KDM4C: variants seen among roughly 807,000 people sequenced by gnomAD.
KDM4C encodes the protein lysine demethylase 4C.
A neutral mutation model predicts 129.3 loss-of-function variants in KDM4C; 81 were observed. The observed-to-expected ratio is 0.63, with a 90% CI of 0.52 to 0.75. KDM4C has a LOEUF of 0.75. KDM4C is among the 30% of genes least tolerant of loss of function. KDM4C has a pLI of 0.00. For synonymous variants in KDM4C, 573 were observed against 456.1 expected (o/e 1.26, Z -3.26); for missense variants, 1,457 against 1,304.0 (o/e 1.12, Z -1.81).
chr9:6,730,712 C>T (rs1817304093), intron 1 of KDM4C, among the ~76,000 whole-genome samples: 1 of 152,002 alleles, frequency 6.6e-6, no homozygotes, highest in African/African-American at 2.4e-5. Flanking sequence ...TTCAGAGAGA[C>T]TCCAGGGATG....
chr9:6,870,777 C>G (rs1842723206), intron 5 of KDM4C, among the ~76,000 whole-genome samples: 1 of 151,838 alleles, frequency 6.6e-6, no homozygotes, highest in Non-Finnish European at 1.5e-5. Flanking sequence ...ACAGCAACAA[C>G]AAGCAGAAAC....
chr9:6,901,683 A>G (rs935198283), intron 8 of KDM4C, among the ~76,000 whole-genome samples: 4 of 152,212 alleles, frequency 2.6e-5, no homozygotes, highest in African/African-American at 9.6e-5. Flanking sequence ...TTTTAGGGAA[A>G]GGGGCTCTGC....
chr9:6,738,737 G>A lies in KDM4C; in HGVS notation c.49+17740G>A, dbSNP rs116124422. ...TAGGATTACAGGGGCATGCCACCAC[G>A]CCCAACTAATTTTTCTTTTCTTTTC... On this transcript the variant is annotated intron_variant, in intron 1 of 17. Transcript: ENST00000536108. Among the ~76,000 whole-genome samples, 1,030 of 151,968 alleles carry A rather than the reference G, an allele frequency of 6.8e-3. 8 individuals are homozygous for A. Among genetic ancestry groups the A allele is most frequent in the African/African-American group, 0.023 (943 of 41,464 alleles).
At chr9:7,086,356 G>A (rs766771267) in intron 17 of KDM4C, among the ~76,000 whole-genome samples, 6 of 152,124 alleles carry the variant, frequency 3.9e-5, no homozygotes, top group Non-Finnish European at 7.4e-5. Context: ...CACCAGCATC[G>A]GAATAGTTAT....
intron 12 of KDM4C, among the ~76,000 whole-genome samples, chr9:7,010,200 C>T (rs1433441162): frequency 6.6e-6 from 1 of 152,172 alleles, no homozygotes; most frequent in East Asian, 1.9e-4. Flanking sequence ...AAACAGGTTA[C>T]ATTTAGAGTC....
At chr9:6,949,862 A>C (rs887267653) in intron 8 of KDM4C, among the ~76,000 whole-genome samples, 1 of 152,058 alleles carries the variant, frequency 6.6e-6, no homozygotes, top group Non-Finnish European at 1.5e-5. Context: ...GGAGAGGGAG[A>C]GGGACCATTT....
At chr9:6,952,880 T>A (rs1176055553) in intron 8 of KDM4C, among the ~76,000 whole-genome samples, 1 of 152,252 alleles carries the variant, frequency 6.6e-6, no homozygotes, top group African/African-American at 2.4e-5. Flanking sequence ...ATAGTCCTTG[T>A]TACTCAACAT....
chr9:6,959,379 T>G (rs1210014407), intron 8 of KDM4C, among the ~76,000 whole-genome samples: 1 of 152,242 alleles, frequency 6.6e-6, no homozygotes, highest in East Asian at 1.9e-4. Context: ...TACTAGACTG[T>G]GGTACCTGTC....
intron 17 of KDM4C, among the ~76,000 whole-genome samples, chr9:7,091,856 A>G (rs1163211895): frequency 3.9e-5 from 6 of 152,204 alleles, no homozygotes; most frequent in Non-Finnish European, 1.5e-5. Flanking sequence ...TAGAGATTAG[A>G]TTGAGAAGAA....
chr9:7,094,507 C>G (rs1297732559), intron 17 of KDM4C, among the ~76,000 whole-genome samples: 1 of 152,096 alleles, frequency 6.6e-6, no homozygotes, highest in African/African-American at 2.4e-5. Context: ...TCTACAAACT[C>G]ACTGCTGCGT....
chr9:6,889,211 T>TTGTGTGTGTGTGTG (rs34443147), intron 7 of KDM4C, among the ~76,000 whole-genome samples: 1,280 of 61,598 alleles, frequency 0.021, 64 homozygotes, highest in East Asian at 0.051. Flanking sequence ...GGCCTTCTTT[T>TTGTGTGTGTGTGTG]TGTGTGTGTG....
intron 19 of KDM4C, among the ~76,000 whole-genome samples, chr9:7,130,042 C>T (rs1193988852): frequency 6.6e-6 from 1 of 152,168 alleles, no homozygotes; most frequent in Non-Finnish European, 1.5e-5. Flanking sequence ...TATGCAGGAG[C>T]AAGAGAGGCA....
In KDM4C at chr9:6,758,579, G is replaced by A. The variant is rs1818747129; in HGVS notation, c.-18+376G>A. On this transcript the variant is annotated intron_variant, in intron 1 of 21. Transcript: ENST00000381309. The surrounding 1 kb of genome is among the most constrained non-coding windows in gnomAD (Gnocchi z 4.6). ...GGCTGTGGCGGACTCCAGGAAGGCCGGGCCTGGTGCACCCCTCGGGGCCCT... is the reference window on the plus strand; with the variant it reads ...GGCTGTGGCGGACTCCAGGAAGGCCAGGCCTGGTGCACCCCTCGGGGCCCT... 6.6e-6 allele frequency among the ~76,000 whole-genome samples: 1 copy of A among 152,164 alleles called. No homozygotes were observed. Among genetic ancestry groups the A allele is most frequent in the South Asian group, 2.1e-4 (1 of 4,832 alleles).
chr9:6,792,910 G>A (rs1826966238), intron 1 of KDM4C, 62 bp from the exon 2 acceptor site: 2 of 1,533,616 alleles, frequency 1.3e-6, no homozygotes, highest in Non-Finnish European at 1.8e-6. Flanking sequence ...CATACTATTT[G>A]TTAAAAATGA....
chr9:7,056,304 C>G (rs976556005), intron 17 of KDM4C, among the ~76,000 whole-genome samples: 1 of 151,026 alleles, frequency 6.6e-6, no homozygotes, highest in African/African-American at 2.4e-5. Context: ...AGGATTTCAA[C>G]ATACATATGT....
chr9:7,022,555 A>G (rs1409279765), intron 15 of KDM4C, among the ~76,000 whole-genome samples: 1 of 151,480 alleles, frequency 6.6e-6, no homozygotes, highest in Non-Finnish European at 1.5e-5. Context: ...GGAGTCTTCC[A>G]GTTTTTTCAA....
At chr9:6,776,598 CTTTTTTTTTTT>C (rs34450311) in intron 1 of KDM4C, among the ~76,000 whole-genome samples, 7 of 106,198 alleles carry the variant, frequency 6.6e-5, no homozygotes, top group South Asian at 3.1e-4. Flanking sequence ...CTCAAACCCA[CTTTTTTTTTTT>C]TTTTTTTTTT....
At chr9:7,019,448 AT>A (rs33966771) in intron 15 of KDM4C, among the ~76,000 whole-genome samples, 71,155 of 150,532 alleles carry the variant, frequency 0.47, 17,004 homozygotes, top group South Asian at 0.6. Context: ...ATTCCCTGGA[AT>A]TTTTTTTTTA....
chr9:7,169,184 C>A (rs1844704466), intron 20 of KDM4C, among the ~76,000 whole-genome samples: 1 of 151,872 alleles, frequency 6.6e-6, no homozygotes, highest in Non-Finnish European at 1.5e-5. Context: ...TGCTGAATTT[C>A]CCACAGTCTC....
Sources: gnomAD v4.1 joint callset for allele counts (sites outside exome capture counted in the v4.1 genomes callset) on GRCh38, gnomAD v4.1.1 for gene constraint, Gnocchi (gnomAD v3.1) non-coding constraint, MANE v1.5 for transcripts, NCBI Gene and HGNC (gene_info 2026-07-23, HGNC 2026-07-21) for gene names.